The following ARMH3 variants were observed in gnomAD, a reference collection of about 807,000 sequenced individuals.
The protein encoded by ARMH3 is armadillo like helical domain containing 3, also known as armadillo-like helical domain-containing protein 3.
A neutral mutation model predicts 99.1 loss-of-function variants in ARMH3; 60 were observed. The ratio of observed to expected loss-of-function variants is 0.61; its 90% CI spans 0.49 to 0.75. The LOEUF (loss-of-function observed/expected upper bound fraction) is 0.75, where lower values mean the gene tolerates loss of function less well. ARMH3 is among the 30% of genes least tolerant of loss of function. ARMH3 has a pLI of 0.00. For missense variants in ARMH3, 679 were observed against 843.1 expected (o/e 0.81, Z 2.41); for synonymous variants, 285 against 292.8 (o/e 0.97, Z 0.27).
At chr10:101,949,712 A>G (rs978648927) in intron 22 of ARMH3, among the ~76,000 whole-genome samples, 2 of 152,184 alleles carry the variant, frequency 1.3e-5, no homozygotes, top group African/African-American at 4.8e-5. Context: ...ACACTTCCCA[A>G]TTCATATTAT....
At chr10:102,033,733 T>C (rs770788092) in intron 2 of ARMH3, among the ~76,000 whole-genome samples, 25 of 152,206 alleles carry the variant, frequency 1.6e-4, no homozygotes, top group Non-Finnish European at 3.7e-4. Context: ...GTTTTCAAAA[T>C]TAACTTTGAA....
chr10:101,866,482 T>A (rs1417225571), intron 24 of ARMH3, among the ~76,000 whole-genome samples: 14 of 126,772 alleles, frequency 1.1e-4, no homozygotes, highest in Non-Finnish European at 1.6e-4. Context: ...AGGACAAGTG[T>A]AAAAAAAAAA....
At chr10:101,852,241 C>A (rs1457954084) in intron 24 of ARMH3, among the ~76,000 whole-genome samples, 1 of 152,220 alleles carries the variant, frequency 6.6e-6, no homozygotes, top group African/African-American at 2.4e-5. Context: ...GATGGCTGAA[C>A]CTTCTGACTA....
intron 14 of ARMH3, among the ~76,000 whole-genome samples, chr10:102,003,987 C>G (rs1360663639): frequency 2.6e-5 from 4 of 152,144 alleles, no homozygotes; most frequent in African/African-American, 7.2e-5. Flanking sequence ...TCCCTTTGTC[C>G]AATACAAGGA....
chr10:102,014,998 C>T (rs546738138), intron 8 of ARMH3, among the ~76,000 whole-genome samples: 1 of 152,314 alleles, frequency 6.6e-6, no homozygotes, highest in African/African-American at 2.4e-5. Flanking sequence ...TCATTCCCCA[C>T]ACAGACCTAT....
intron 20 of ARMH3, among the ~76,000 whole-genome samples, chr10:101,963,347 G>T (rs985116990): frequency 1.3e-5 from 2 of 151,942 alleles, no homozygotes; most frequent in African/African-American, 2.4e-5. Flanking sequence ...TAGCCAGGAT[G>T]GCCTCCATCT....
chr10:101,923,659 C>T (rs1370910746), intron 23 of ARMH3, among the ~76,000 whole-genome samples: 1 of 152,154 alleles, frequency 6.6e-6, no homozygotes, highest in Non-Finnish European at 1.5e-5. Flanking sequence ...TTTTTTACTG[C>T]CCTTTACTTG....
chr10:101,986,324 T>A (rs1415854965), intron 19 of ARMH3, among the ~76,000 whole-genome samples: 2 of 152,146 alleles, frequency 1.3e-5, no homozygotes, highest in Non-Finnish European at 2.9e-5. Flanking sequence ...AGAGACTATA[T>A]CCCCTCACTC....
At chr10:101,900,977 C>T (rs1029237951) in intron 23 of ARMH3, among the ~76,000 whole-genome samples, 1 of 151,946 alleles carries the variant, frequency 6.6e-6, no homozygotes, top group Non-Finnish European at 1.5e-5. Context: ...GAGCAAGACC[C>T]TGTCTCTAAA....
At chr10:101,934,924 T>C (rs189770827) in intron 23 of ARMH3, among the ~76,000 whole-genome samples, 1 of 152,012 alleles carries the variant, frequency 6.6e-6, no homozygotes, top group Non-Finnish European at 1.5e-5. Flanking sequence ...AGTTTCCAAA[T>C]TTCAGGATAA....
chr10:101,887,475 C>T (rs2067575634), intron 24 of ARMH3, among the ~76,000 whole-genome samples: 1 of 151,982 alleles, frequency 6.6e-6, no homozygotes, highest in African/African-American at 2.4e-5. Flanking sequence ...ATGATCACAG[C>T]TTACTGCAGC....
intron 19 of ARMH3, among the ~76,000 whole-genome samples, chr10:101,985,333 G>T (rs928062308): frequency 6.8e-6 from 1 of 146,562 alleles, no homozygotes; most frequent in African/African-American, 2.5e-5. Context: ...TATACAGATC[G>T]CATGGGTTTA....
chr10:101,947,495 A>T (rs542541409), intron 22 of ARMH3, among the ~76,000 whole-genome samples: 1 of 151,482 alleles, frequency 6.6e-6, no homozygotes, highest in East Asian at 2.0e-4. Flanking sequence ...GCAAGACCCC[A>T]TCTCCTAAAA....
intron 23 of ARMH3, among the ~76,000 whole-genome samples, chr10:101,904,852 T>A (rs1293285112): frequency 6.7e-6 from 1 of 149,918 alleles, no homozygotes; most frequent in Non-Finnish European, 1.5e-5. Flanking sequence ...CTCAGGAGGC[T>A]GAGGCAGGAG....
intron 24 of ARMH3, among the ~76,000 whole-genome samples, chr10:101,866,497 AAG>A (rs1554850296): frequency 4.3e-4 from 65 of 151,534 alleles, no homozygotes; most frequent in African/African-American, 1.5e-3. Flanking sequence ...AAAAAAAAAA[AAG>A]AAAAGAAAAG....
chr10:101,959,312 C>T (rs1047677952), intron 20 of ARMH3, among the ~76,000 whole-genome samples: 1 of 152,190 alleles, frequency 6.6e-6, no homozygotes, highest in African/African-American at 2.4e-5. Context: ...GAGTGAGCTA[C>T]GTGGGGGCTG....
intron 24 of ARMH3, 32 bp from the exon 25 acceptor site, chr10:101,849,924 G>C: frequency 2.5e-6 from 4 of 1,595,990 alleles, no homozygotes; most frequent in Non-Finnish European, 3.4e-6. Context: ...GCAGGGCTTA[G>C]GCCATGCAAA....
In ARMH3 at chr10:102,033,279, T is replaced by TG; in HGVS notation, c.159+3_159+4insC. 1 of 1,614,090 alleles carries TG rather than the reference T, an allele frequency of 6.2e-7. No homozygotes were observed. Among genetic ancestry groups the TG allele is most frequent in the Non-Finnish European group, 8.5e-7 (1 of 1,180,012 alleles). On this transcript the variant is annotated splice_donor_region_variant and intron_variant, in intron 3 of 25. Coordinates refer to ENST00000370033, the MANE Select transcript of ARMH3 (RefSeq NM_024541.3). Reference sequence around the variant, plus strand: ...GAAATTCCACAGATGCCACCAACTCTTACCTTCATGAGAAAGAGCTCCTCC... The same window carrying TG: ...GAAATTCCACAGATGCCACCAACTCTGTACCTTCATGAGAAAGAGCTCCTCC...
intron 8 of ARMH3, among the ~76,000 whole-genome samples, chr10:102,019,851 C>A (rs1034726240): frequency 1.3e-5 from 2 of 151,196 alleles, no homozygotes; most frequent in African/African-American, 4.9e-5. Flanking sequence ...TGGCATGAAC[C>A]CAGGAGGCAG....
Sources: gnomAD v4.1 joint callset for allele counts (sites outside exome capture counted in the v4.1 genomes callset) on GRCh38, gnomAD v4.1.1 for gene constraint, MANE v1.5 for transcripts, NCBI Gene and HGNC (gene_info 2026-07-23, HGNC 2026-07-21) for gene names.